NWD2: variants seen among roughly 807,000 people sequenced by gnomAD.
NWD2 encodes NACHT and WD repeat domain-containing protein 2.
Under a neutral mutation model 132.7 loss-of-function variants are expected in NWD2, and 37 were observed. The observed-to-expected ratio is 0.28, with a 90% CI of 0.21 to 0.37. The LOEUF is 0.37. Ranked by LOEUF, NWD2 falls within the 10% of genes least tolerant of loss-of-function variation. The pLI is 1.00. For synonymous variants in NWD2, 705 were observed against 803.0 expected, an observed-to-expected ratio of 0.88 and a Z score of 2.06; for missense variants, 1,592 against 2,122.4, an observed-to-expected ratio of 0.75 and a Z score of 4.91.
At chr4:37,412,020 C>G (rs1721169307) in intron 3 of NWD2, among the ~76,000 whole-genome samples, 1 of 152,128 alleles carries the variant, frequency 6.6e-6, no homozygotes, top group Non-Finnish European at 1.5e-5. Flanking sequence ...AAACCCACAG[C>G]CAATATCATA....
At chr4:37,357,050 G>A (rs1160938688) in intron 3 of NWD2, among the ~76,000 whole-genome samples, 3 of 152,012 alleles carry the variant, frequency 2.0e-5, no homozygotes, top group Non-Finnish European at 4.4e-5. Flanking sequence ...TTAATTCATC[G>A]TTATTTTCTA....
rs1035658261 is a variant in NWD2 at position 37,438,955 on chromosome 4, G to T, written c.861G>T (p.Arg287Ser). 1.3e-6 allele frequency: 2 copies of T among 1,551,872 alleles called. No homozygotes were observed. Among genetic ancestry groups the T allele is most frequent in the African/African-American group, 2.7e-5 (2 of 73,028 alleles). The change falls in exon 6 of 7, where the codon AGG becomes AGT. Residue 287 changes from arginine (R) to serine (S), a missense_variant. Coordinates refer to ENST00000309447, the MANE Select transcript of NWD2 (RefSeq NM_001144990.2). ...TGGATATAACTGGAACAGAACCGAG[G>T]ATTATTCGGGACCCAGAAGCCCAAG... is the stretch of plus-strand genomic sequence containing the variant. Reference protein sequence around the residue: ...KYMDITGTEPRIIRDPEAQEK... With the variant: ...KYMDITGTEPSIIRDPEAQEK...
intron 2 of NWD2, among the ~76,000 whole-genome samples, chr4:37,329,417 G>A (rs1031876756): frequency 1.3e-5 from 2 of 152,158 alleles, no homozygotes; most frequent in African/African-American, 4.8e-5. Flanking sequence ...GTCAGAGAAA[G>A]ACTCGGTGAT....
rs144254434 is a variant in NWD2, at chr4:37,287,705, T to G, written c.152-38231T>G. Among the ~76,000 whole-genome samples, 724 of 152,310 alleles carry G rather than the reference T, an allele frequency of 4.8e-3. 5 individuals carry two copies. The highest frequency in any genetic ancestry group is 0.016 in the African/African-American group (676 of 41,570). The stretch of plus-strand genomic sequence containing the variant: ...TCTTTGCAGTCAAGCAGAGTTAGCC[T>G]TTCCTCCTGATGGTTCTGAGGAATC... On this transcript the variant is annotated intron_variant, in intron 1 of 6. Transcript: ENST00000309447.
chr4:37,408,970 A>G (rs73228706), intron 3 of NWD2, among the ~76,000 whole-genome samples: 23,278 of 152,166 alleles, frequency 0.15, 2,264 homozygotes, highest in Admixed American at 0.22. Flanking sequence ...AACAAACAGG[A>G]ATAGCATGTC....
chr4:37,307,687 G>A (rs925006687), intron 1 of NWD2, among the ~76,000 whole-genome samples: 1 of 152,078 alleles, frequency 6.6e-6, no homozygotes, highest in African/African-American at 2.4e-5. Flanking sequence ...GAAGTTTTTA[G>A]CAATTACTTT....
At chr4:37,308,364 G>A (rs1291702550) in intron 1 of NWD2, among the ~76,000 whole-genome samples, 2 of 152,200 alleles carry the variant, frequency 1.3e-5, no homozygotes. Context: ...TGTAATCAGT[G>A]TCAGTGGTAC....
At chr4:37,387,777 C>T (rs191519387) in intron 3 of NWD2, among the ~76,000 whole-genome samples, 6 of 147,118 alleles carry the variant, frequency 4.1e-5, no homozygotes, top group Non-Finnish European at 5.9e-5. Flanking sequence ...CAGGTTCAAG[C>T]GATTCTCCCG....
chr4:37,392,322 C>T (rs144911885), intron 3 of NWD2, among the ~76,000 whole-genome samples: 2 of 152,264 alleles, frequency 1.3e-5, no homozygotes, highest in South Asian at 2.1e-4. Context: ...AAGACTAGAA[C>T]GTGGATGATA....
At chr4:37,440,688 C>G (rs1477963633) in intron 6 of NWD2, among the ~76,000 whole-genome samples, 3 of 152,148 alleles carry the variant, frequency 2.0e-5, no homozygotes. Flanking sequence ...AGCGGGTAAT[C>G]TGTTAACAGT....
chr4:37,317,365 C>T (rs1474749191), intron 1 of NWD2, among the ~76,000 whole-genome samples: 2 of 152,166 alleles, frequency 1.3e-5, no homozygotes, highest in African/African-American at 2.4e-5. Flanking sequence ...TCTTGATCTC[C>T]TTGTTACATT....
At chr4:37,310,290 A>G (rs1718807019) in intron 1 of NWD2, among the ~76,000 whole-genome samples, 1 of 152,208 alleles carries the variant, frequency 6.6e-6, no homozygotes, top group African/African-American at 2.4e-5. Flanking sequence ...ATTTAAAAAG[A>G]TAGATTTTTA....
At chr4:37,434,093 C>A (rs1221902837) in intron 5 of NWD2, 73 bp downstream of exon 5, 3 of 939,286 alleles carry the variant, frequency 3.2e-6, no homozygotes, top group Admixed American at 3.2e-5. Context: ...CCCTTTAATG[C>A]CCTGCAAATT....
At chr4:37,356,234 C>G (rs377509591) in intron 2 of NWD2, 132 bp from the exon 3 acceptor site, 21 of 487,670 alleles carry the variant, frequency 4.3e-5, no homozygotes, top group African/African-American at 3.9e-4. Context: ...CTAAATGGAT[C>G]TTAAAAATCA....
At chr4:37,348,350 G>A (rs892212589) in intron 2 of NWD2, among the ~76,000 whole-genome samples, 2 of 151,748 alleles carry the variant, frequency 1.3e-5, no homozygotes, top group Admixed American at 1.3e-4. Context: ...CCTCCTCCAC[G>A]GACAAGCCAC....
At chr4:37,269,012 GGAACTTC>G (rs1373220595) in intron 1 of NWD2, among the ~76,000 whole-genome samples, 1 of 151,812 alleles carries the variant, frequency 6.6e-6, no homozygotes, top group Non-Finnish European at 1.5e-5. Flanking sequence ...TCAGTTAGAG[GGAACTTC>G]AGATTTCCCA....
In NWD2 at chr4:37,402,803, C is replaced by T. The variant is rs188483389; in HGVS notation, c.358-27769C>T. On this transcript the variant is annotated intron_variant, in intron 3 of 6. Transcript: ENST00000309447. The stretch of plus-strand genomic sequence containing the variant: ...ATCTCTGAAATGAGGAAACTACATT[C>T]TCCCTAAACTTTCTACCAAGTCTAA... Among the ~76,000 whole-genome samples, 8 of 152,334 alleles carry T rather than the reference C, an allele frequency of 5.3e-5. No homozygotes were observed. In the East Asian group the frequency reaches 1.5e-3, roughly 29 times the overall value.
chr4:37,327,038 A>G (rs148051863), intron 2 of NWD2, among the ~76,000 whole-genome samples: 1,670 of 152,292 alleles, frequency 0.011, 14 homozygotes, highest in Non-Finnish European at 0.017. Flanking sequence ...CAAATTGTGA[A>G]CCTAAATTAA....
Position 37,448,648 on chromosome 4 carries a change from G to C in NWD2, c.*1431G>C, listed in dbSNP as rs915586464. 2 of 152,142 alleles carry C rather than the reference G, an allele frequency of 1.3e-5. No homozygotes were observed. The highest frequency in any genetic ancestry group is 2.9e-5 in the Non-Finnish European group (2 of 68,022). 9.4% of individuals were successfully genotyped at this position (152,142 alleles called of 1,614,324 possible). A position where few individuals can be genotyped will look rare whatever the true frequency, so the allele number is the denominator to read the frequency against. ...AAAGTAGAGAAGTAACACTTTACTA[G>C]AATAATGAACAAGGAATTGATTTGC... On this transcript the variant is annotated 3_prime_UTR_variant, in exon 7 of 7. Coordinates refer to ENST00000309447, the MANE Select transcript of NWD2 (RefSeq NM_001144990.2).
Sources: gnomAD v4.1 joint callset for allele counts (sites outside exome capture counted in the v4.1 genomes callset) on GRCh38, gnomAD v4.1.1 for gene constraint, MANE v1.5 for transcripts, NCBI Gene and HGNC (gene_info 2026-07-23, HGNC 2026-07-21) for gene names.